RPH3A: variants seen among roughly 807,000 people sequenced by gnomAD.
RPH3A encodes rabphilin-3A.
RPH3A carries 48 observed loss-of-function variants against 102.2 expected under a neutral mutation model. The ratio of observed to expected loss-of-function variants is 0.47; its 90% confidence interval spans 0.37 to 0.60. RPH3A has a LOEUF of 0.60. Ranked by LOEUF, RPH3A falls within the 20% of genes least tolerant of loss-of-function variation. The pLI, the probability that RPH3A is intolerant of heterozygous loss-of-function variation, is 0.00. For synonymous variants in RPH3A, 310 were observed against 324.3 expected, an observed-to-expected ratio of 0.96 and a Z score of 0.47; for missense variants, 781 against 910.1, an observed-to-expected ratio of 0.86 and a Z score of 1.83.
At chr12:112,871,634 G>A (rs1255916580) in intron 10 of RPH3A, among the ~76,000 whole-genome samples, 1 of 151,666 alleles carries the variant, frequency 6.6e-6, no homozygotes. Context: ...TACAAGCTTA[G>A]CATTCCAATA....
At chr12:112,753,472 T>C (rs1431082779) in intron 1 of RPH3A, among the ~76,000 whole-genome samples, 1 of 152,220 alleles carries the variant, frequency 6.6e-6, no homozygotes, top group Non-Finnish European at 1.5e-5. Context: ...CCCACCTGGT[T>C]AACTGCAGAG....
intron 10 of RPH3A, chr12:112,874,800 C>A (rs1328462476): frequency 5.1e-6 from 2 of 394,988 alleles, no homozygotes; most frequent in Non-Finnish European, 9.1e-6. Context: ...GAAACTGAGG[C>A]CCAGAGAGGA....
At chr12:112,849,407 CAGTG>C (rs993433608) in intron 5 of RPH3A, among the ~76,000 whole-genome samples, 1 of 119,050 alleles carries the variant, frequency 8.4e-6, no homozygotes, top group African/African-American at 3.9e-5. Flanking sequence ...TCCAGACTGG[CAGTG>C]TGTGTGTGTG....
intron 1 of RPH3A, among the ~76,000 whole-genome samples, chr12:112,710,364 T>C (rs1221693178): frequency 6.6e-6 from 1 of 152,138 alleles, no homozygotes; most frequent in Non-Finnish European, 1.5e-5. Flanking sequence ...CTGTTGATTT[T>C]CTTAGGTTGG....
chr12:112,893,535 C>G (rs2043133198), intron 19 of RPH3A: 1 of 152,360 alleles, frequency 6.6e-6, no homozygotes, highest in Non-Finnish European at 1.5e-5. Flanking sequence ...TGTTCTCTCT[C>G]TCTTTTTTAA....
chr12:112,728,807 A>G (rs1237449402), intron 1 of RPH3A, among the ~76,000 whole-genome samples: 1 of 152,200 alleles, frequency 6.6e-6, no homozygotes, highest in Non-Finnish European at 1.5e-5. Context: ...CCAACTTCTT[A>G]ACAGGGGAGG....
chr12:112,611,980 T>G (rs1351283663), intron 1 of RPH3A, among the ~76,000 whole-genome samples: 1 of 152,190 alleles, frequency 6.6e-6, no homozygotes, highest in Non-Finnish European at 1.5e-5. Flanking sequence ...CCGCCAGAAT[T>G]TCAGTTGTCA....
intron 1 of RPH3A, among the ~76,000 whole-genome samples, chr12:112,779,302 CG>C (rs2040990217): frequency 6.6e-6 from 1 of 152,168 alleles, no homozygotes. Context: ...AAGTCTCTGT[CG>C]GAGGAGTCCC....
chr12:112,887,766 TTCTC>T (rs1565944636), intron 16 of RPH3A, 27 bp from the exon 17 acceptor site: 4 of 1,607,992 alleles, frequency 2.5e-6, no homozygotes, highest in Non-Finnish European at 3.4e-6. Flanking sequence ...TTGTTCCTGT[TTCTC>T]TCTCTACCCC....
intron 2 of RPH3A, among the ~76,000 whole-genome samples, chr12:112,796,549 C>T (rs1382377798): frequency 1.3e-5 from 2 of 152,210 alleles, no homozygotes; most frequent in African/African-American, 4.8e-5. Context: ...GGCCTGCATA[C>T]AGTAGGTGCT....
At chr12:112,738,266 C>T (rs1031799841) in intron 1 of RPH3A, among the ~76,000 whole-genome samples, 1 of 151,944 alleles carries the variant, frequency 6.6e-6, no homozygotes, top group Non-Finnish European at 1.5e-5. Flanking sequence ...GATCTCAGCT[C>T]ACTGCAGCCT....
At chr12:112,708,280 C>T (rs73196547) in intron 1 of RPH3A, among the ~76,000 whole-genome samples, 4 of 152,300 alleles carry the variant, frequency 2.6e-5, no homozygotes, top group Non-Finnish European at 4.4e-5. Context: ...TTCTCGTTAA[C>T]CCTGTGGAGA....
At chr12:112,874,420 G>T (rs2042759743) in intron 10 of RPH3A, among the ~76,000 whole-genome samples, 1 of 152,170 alleles carries the variant, frequency 6.6e-6, no homozygotes. Context: ...ACCCCATAAG[G>T]TTATTAGTAG....
chr12:112,841,627 C>T (rs946335807), intron 4 of RPH3A, among the ~76,000 whole-genome samples: 13 of 151,982 alleles, frequency 8.6e-5, no homozygotes, highest in African/African-American at 3.1e-4. Flanking sequence ...AGATAGAATA[C>T]TTTCCCCAAA....
intron 4 of RPH3A, among the ~76,000 whole-genome samples, chr12:112,847,013 C>T (rs752746253): frequency 1.3e-5 from 2 of 152,152 alleles, no homozygotes; most frequent in South Asian, 4.1e-4. Flanking sequence ...ACAGCCCCTG[C>T]CTTGTAGGGG....
intron 1 of RPH3A, among the ~76,000 whole-genome samples, chr12:112,773,206 C>T (rs895244517): frequency 6.6e-6 from 1 of 151,874 alleles, no homozygotes; most frequent in Non-Finnish European, 1.5e-5. Context: ...GGGTTGGTTC[C>T]ATGATTTTGC....
At chr12:112,679,525 A>G (rs1028035424) in intron 1 of RPH3A, among the ~76,000 whole-genome samples, 1 of 152,046 alleles carries the variant, frequency 6.6e-6, no homozygotes, top group Non-Finnish European at 1.5e-5. Flanking sequence ...TCCCGGATTT[A>G]AGCAGTTCTC....
At chr12:112,711,540 T>TG (rs1421000934) in intron 1 of RPH3A, among the ~76,000 whole-genome samples, 1 of 152,216 alleles carries the variant, frequency 6.6e-6, no homozygotes, top group African/African-American at 2.4e-5. Flanking sequence ...AGATGTTTTC[T>TG]GGGGGGTATA....
chr12:112,709,549 CAAAAA>C lies in RPH3A; in HGVS notation c.-139-82581_-139-82577del, dbSNP rs369557001. On this transcript the variant is annotated intron_variant, in intron 1 of 21. Transcript: ENST00000543106. ...TGGGTGACAGAGCGAAACCCTGTCTCAAAAAAAAAAAAAAAAATTACTCTCGTGTC... is the reference window on the plus strand; with the variant it reads ...TGGGTGACAGAGCGAAACCCTGTCTCAAAAAAAAAAAATTACTCTCGTGTC... Among the ~76,000 whole-genome samples, 3 of 128,360 alleles carry C rather than the reference CAAAAA, an allele frequency of 2.3e-5. No homozygotes were observed. In the East Asian group the frequency reaches 6.9e-4, roughly 29 times the overall value. 84.2% of individuals were successfully genotyped at this position (128,360 alleles called of 152,430 possible). A position where few individuals can be genotyped will look rare whatever the true frequency, so the allele number is the denominator to read the frequency against.
Sources: gnomAD v4.1 joint callset for allele counts (sites outside exome capture counted in the v4.1 genomes callset) on GRCh38, gnomAD v4.1.1 for gene constraint, MANE v1.5 for transcripts, NCBI Gene and HGNC (gene_info 2026-07-23, HGNC 2026-07-21) for gene names.